DCST2: variants seen among roughly 807,000 people sequenced by gnomAD.
The protein encoded by DCST2 is DC-STAMP domain-containing protein 2.
A neutral mutation model predicts 81.8 loss-of-function variants in DCST2; 64 were observed. The observed-to-expected ratio is 0.78, with a 90% CI of 0.64 to 0.96. The LOEUF is 0.96. DCST2 is among the 40% of genes least tolerant of loss of function. DCST2 has a pLI of 0.00. For missense variants in DCST2, 945 were observed against 1,001.4 expected (o/e 0.94, Z 0.76); for synonymous variants, 354 against 402.6 (o/e 0.88, Z 1.44).
chr1:155,022,672 GGAGGTC>G (rs1388741815), intron 14 of DCST2, among the ~76,000 whole-genome samples: 14 of 152,328 alleles, frequency 9.2e-5, no homozygotes, highest in Middle Eastern at 3.4e-3. Flanking sequence ...CTTGAGCCCA[GGAGGTC>G]GAGGTTGCAG....
At position 155,033,621 on chromosome 1, in the gene DCST2, C is replaced by T; in HGVS notation, c.81G>A (p.Val27=). The T allele has an allele frequency of 6.2e-7, 1 of 1,614,194 alleles. No homozygotes were observed. Among genetic ancestry groups the T allele is most frequent in the Non-Finnish European group, 8.5e-7 (1 of 1,180,028 alleles). The part of the protein sequence containing the change: ...PSMARAVVRS[V]GGFTLGLSLA... ...AAGACAAGCCCAGGGTAAAACCTCC[C>T]ACGCTGCGAACCACAGCTCTCGCCA... Residue 27 remains valine, a synonymous_variant, in exon 1 of 15, where the codon GTG becomes GTA. Coordinates refer to ENST00000368424, the MANE Select transcript of DCST2 (RefSeq NM_144622.3).
intron 14 of DCST2, among the ~76,000 whole-genome samples, chr1:155,020,972 G>A (rs183928823): frequency 1.1e-4 from 17 of 151,670 alleles, no homozygotes; most frequent in Admixed American, 5.3e-4. Context: ...AAAGATGCAC[G>A]CCACCATGCC....
rs112741117 is a variant in DCST2, at chr1:155,029,182, C to G, written c.1342+51G>C. 7.5e-6 allele frequency: 12 copies of G among 1,596,568 alleles called. No individual in the cohort carries two copies. In the African/African-American group the frequency reaches 9.4e-5, roughly 12 times the overall value. ...GCAGGCGGGGAGATCAGAAACAGGC[C>G]GAGGGGGCTGCAGTGGGTGAGTGGG... On this transcript the variant is annotated intron_variant, in intron 8 of 14. Coordinates refer to ENST00000368424, the MANE Select transcript of DCST2 (RefSeq NM_144622.3).
chr1:155,029,052 A>C (rs1356362468), intron 8 of DCST2, among the ~76,000 whole-genome samples, 181 bp downstream of exon 8: 1 of 152,174 alleles, frequency 6.6e-6, no homozygotes, highest in Non-Finnish European at 1.5e-5. Flanking sequence ...TAGGCAAAGC[A>C]TAGAGTTGAA....
At chr1:155,026,205 G>T in intron 10 of DCST2, 97 bp downstream of exon 10, 1 of 1,143,192 alleles carries the variant, frequency 8.7e-7, no homozygotes, top group Non-Finnish European at 1.3e-6. Flanking sequence ...GGCTGGGGCT[G>T]CTGAAGGAAG....
rs530584755 is a variant in DCST2 at position 155,032,962 on chromosome 1, C to G, written c.439+132G>C. 1.2e-4 allele frequency: 134 copies of G among 1,122,190 alleles called. No homozygotes were observed. In the African/African-American group the frequency reaches 2.0e-3, roughly 16 times the overall value. 69.5% of individuals were successfully genotyped at this position (1,122,190 alleles called of 1,614,324 possible). ...CAAGGAGAGAGGGTTTAGCTGTGCC[C>G]AGAGTCCCTTCCAGGCCCAGATGCT... On this transcript the variant is annotated intron_variant, in intron 2 of 14. Transcript: ENST00000368424.
chr1:155,018,798 C>A, intron 14 of DCST2, 38 bp from the exon 15 acceptor site: 1 of 1,585,652 alleles, frequency 6.3e-7, no homozygotes, highest in South Asian at 1.1e-5. Flanking sequence ...GATCACCCAC[C>A]TTCTGTCTTC....
chr1:155,027,040 A>G (rs1453373949), intron 8 of DCST2, among the ~76,000 whole-genome samples: 1 of 150,522 alleles, frequency 6.6e-6, no homozygotes, highest in Non-Finnish European at 1.5e-5. Flanking sequence ...TTTTTTTTTA[A>G]TTTATTTTTT....
intron 2 of DCST2, 90 bp from the exon 3 acceptor site, chr1:155,032,858 G>A (rs1478374110): frequency 4.7e-6 from 6 of 1,275,288 alleles, no homozygotes; most frequent in Non-Finnish European, 6.8e-6. Flanking sequence ...TAGAGAGGAG[G>A]CCACCATTTC....
chr1:155,031,508 C>T (rs1660079551), intron 4 of DCST2, 66 bp downstream of exon 4: 3 of 1,277,168 alleles, frequency 2.3e-6, no homozygotes, highest in Non-Finnish European at 1.1e-6. Context: ...CCAACTGACC[C>T]CCACATTCCC....
intron 11 of DCST2, 127 bp downstream of exon 11, chr1:155,024,345 G>A (rs1371610888): frequency 1.5e-6 from 2 of 1,294,182 alleles, no homozygotes; most frequent in Non-Finnish European, 2.1e-6. Context: ...CAGCGTTAAG[G>A]GTATGCAATG....
At chr1:155,032,823 T>A (rs1660137919) in intron 2 of DCST2, 55 bp from the exon 3 acceptor site, 1 of 1,497,688 alleles carries the variant, frequency 6.7e-7, no homozygotes, top group African/African-American at 1.4e-5. Flanking sequence ...GGGCTGGTTC[T>A]CACCATTGCC....
At chr1:155,022,548 T>C (rs942665417) in intron 14 of DCST2, among the ~76,000 whole-genome samples, 1 of 152,044 alleles carries the variant, frequency 6.6e-6, no homozygotes, top group Non-Finnish European at 1.5e-5. Context: ...CTGGGCAACA[T>C]AGTGAGACCC....
Position 155,026,670 on chromosome 1 carries a change from C to T in DCST2, c.1388G>A (p.Gly463Glu). The T allele has an allele frequency of 6.2e-7, 1 of 1,614,188 alleles. No homozygotes were observed. Among genetic ancestry groups the T allele is most frequent in the East Asian group, 2.2e-5 (1 of 44,888 alleles). The change falls in exon 9 of 15, where the codon GGG (glycine) becomes GAG (glutamate). Residue 463 changes from glycine to glutamate, a missense_variant. Coordinates refer to ENST00000368424, the MANE Select transcript of DCST2 (RefSeq NM_144622.3). ...SLTVEGTGYAGNIYRDLVSAF... is the reference protein window; with the variant it reads ...SLTVEGTGYAENIYRDLVSAF... The stretch of plus-strand genomic sequence containing the variant: ...TGACACCAGGTCACGATAAATATTC[C>T]CAGCGTAGCCAGTACCTTCCACGGT...
Position 155,023,361 on chromosome 1 carries a change from C to T in DCST2, c.1964+3G>A. Reference sequence around the variant, plus strand: ...AGCCACCCCATGTCACTGAAAGACTCACAGCTCCAGGTCCAGGTCCCCCTG... The same window carrying T: ...AGCCACCCCATGTCACTGAAAGACTTACAGCTCCAGGTCCAGGTCCCCCTG... On this transcript the variant is annotated splice_donor_region_variant and intron_variant, in intron 13 of 14. Coordinates refer to ENST00000368424, the MANE Select transcript of DCST2 (RefSeq NM_144622.3). The T allele has an allele frequency of 1.2e-6, 2 of 1,609,078 alleles. No homozygotes were observed. Among genetic ancestry groups the T allele is most frequent in the Non-Finnish European group, 1.7e-6 (2 of 1,177,662 alleles).
chr1:155,031,756 T>A lies in DCST2; in HGVS notation c.557A>T (p.Asn186Ile), dbSNP rs774644319. 1 of 1,613,880 alleles carries A rather than the reference T, an allele frequency of 6.2e-7. No individual in the cohort carries two copies. The highest frequency in any genetic ancestry group is 1.7e-5 in the Admixed American group (1 of 60,022). The change falls in exon 4 of 15, where the codon AAT becomes ATT. Residue 186 changes from asparagine to isoleucine, a missense_variant. Coordinates refer to ENST00000368424, the MANE Select transcript of DCST2 (RefSeq NM_144622.3). ...GATGTGCAGGAGCCACTGCCACACA[T>A]TCCGGAGAGCCCTGGCTGGGGACAG... is the stretch of plus-strand genomic sequence containing the variant. ...GVKHIARALRNVWQWLLHIGD... is the reference protein window; with the variant it reads ...GVKHIARALRIVWQWLLHIGD...
At chr1:155,020,824 T>C (rs76521865) in intron 14 of DCST2, among the ~76,000 whole-genome samples, 1 of 151,832 alleles carries the variant, frequency 6.6e-6, no homozygotes, top group South Asian at 2.1e-4. Context: ...TTTTTTTTTT[T>C]AATCTTCTAA....
At position 155,031,690 on chromosome 1, in the gene DCST2, T is replaced by G; in HGVS notation, c.623A>C (p.Lys208Thr). ...CNSELGNPYLKCARVFDDAKD... is the reference protein window; with the variant it reads ...CNSELGNPYLTCARVFDDAKD... Reference sequence around the variant, plus strand: ...GGCATCATCGAAAACCCGTGCACACTTCAGGTAAGGGTTGCCCAGTTCCGA... The same window carrying G: ...GGCATCATCGAAAACCCGTGCACACGTCAGGTAAGGGTTGCCCAGTTCCGA... The change falls in exon 4 of 15, where the codon AAG becomes ACG. Residue 208 changes from lysine (K) to threonine (T), a missense_variant. By Grantham distance (78) the Lys-to-Thr change is moderately conservative. Transcript: ENST00000368424. 1 of 1,614,128 alleles carries G rather than the reference T, an allele frequency of 6.2e-7. No homozygotes were observed. Among genetic ancestry groups the G allele is most frequent in the South Asian group, 1.1e-5 (1 of 91,084 alleles).
Position 155,029,268 on chromosome 1 carries a change from G to A in DCST2, c.1307C>T (p.Ala436Val), listed in dbSNP as rs1312960641. 5 of 1,613,844 alleles carry A rather than the reference G, an allele frequency of 3.1e-6. No homozygotes were observed. Among genetic ancestry groups the A allele is most frequent in the Admixed American group, 1.7e-5 (1 of 59,982 alleles). Residue 436 changes from alanine (A) to valine (V), a missense_variant, in exon 8 of 15, where the codon GCC (alanine) becomes GTC (valine). Transcript: ENST00000368424. Reference sequence around the variant, plus strand: ...AATCTCCCCCTGCAGCTGGTGCCGGGCCAGGTCAAGCACCCAGAAGACAGC... The same window carrying A: ...AATCTCCCCCTGCAGCTGGTGCCGGACCAGGTCAAGCACCCAGAAGACAGC... Reference protein sequence around the residue: ...DYAVFWVLDLARHQLQGEIVA... With the variant: ...DYAVFWVLDLVRHQLQGEIVA...
Sources: gnomAD v4.1 joint callset for allele counts (sites outside exome capture counted in the v4.1 genomes callset) on GRCh38, gnomAD v4.1.1 for gene constraint, MANE v1.5 for transcripts, NCBI Gene and HGNC (gene_info 2026-07-23, HGNC 2026-07-21) for gene names.